ACSM1: variants seen among roughly 807,000 people sequenced by gnomAD.
The protein encoded by ACSM1 is acyl-coenzyme A synthetase ACSM1, mitochondrial.
Under a neutral mutation model 75.8 loss-of-function variants are expected in ACSM1, and 79 were observed. That is an observed-to-expected ratio of 1.04 (90% CI 0.87 to 1.26). The LOEUF (loss-of-function observed/expected upper bound fraction) is 1.26. Among genes scored for constraint, ACSM1 ranks in the 50% most tolerant of loss-of-function variants. ACSM1 has a pLI of 0.00. For synonymous variants in ACSM1, 279 were observed against 265.8 expected (o/e 1.05, Z -0.48); for missense variants, 676 against 720.1 (o/e 0.94, Z 0.70).
intron 13 of ACSM1, 137 bp downstream of exon 13, chr16:20,623,959 G>A: frequency 1.5e-6 from 2 of 1,306,494 alleles, no homozygotes; most frequent in South Asian, 1.3e-5. Flanking sequence ...GAGGACATGA[G>A]GCATGAGCAG....
At position 20,623,359 on chromosome 16, in the gene ACSM1, A is replaced by T. The variant is rs2016724092; in HGVS notation, c.*127T>A. The T allele has an allele frequency of 4.0e-6, 3 of 746,806 alleles. No individual in the cohort carries two copies. Among genetic ancestry groups the T allele is most frequent in the Non-Finnish European group, 6.8e-6 (3 of 443,970 alleles). 46.3% of individuals were successfully genotyped at this position (746,806 alleles called of 1,614,324 possible). ...TTAAAAGAAGGAAAACATTGGAATC[A>T]TGGCACTCCTGATACTTTCCCAAAT... is the stretch of plus-strand genomic sequence containing the variant. On this transcript the variant is annotated 3_prime_UTR_variant, in exon 14 of 14. Transcript: ENST00000520010.
chr16:20,632,227 A>T (rs1455946408), intron 10 of ACSM1, among the ~76,000 whole-genome samples: 1 of 152,238 alleles, frequency 6.6e-6, no homozygotes, highest in East Asian at 1.9e-4. Context: ...AGCAGGAAAT[A>T]AAGATTAGAG....
At chr16:20,672,262 G>C (rs553823) in intron 4 of ACSM1, among the ~76,000 whole-genome samples, 1 of 150,764 alleles carries the variant, frequency 6.6e-6, no homozygotes, top group Non-Finnish European at 1.5e-5. Context: ...GGGTGGGGAA[G>C]AGAAAGAGAG....
intron 4 of ACSM1, 107 bp from the exon 5 acceptor site, chr16:20,671,778 A>G: frequency 1.6e-6 from 2 of 1,286,104 alleles, no homozygotes; most frequent in East Asian, 2.6e-5. Flanking sequence ...GGGAGTTTGC[A>G]ACACTAGAGG....
intron 7 of ACSM1, among the ~76,000 whole-genome samples, chr16:20,654,033 C>G (rs1042708566): frequency 6.6e-6 from 1 of 152,190 alleles, no homozygotes. Context: ...ACCAAAACAG[C>G]ATGGTACTGT....
chr16:20,624,104 G>C lies in ACSM1; in HGVS notation c.1639C>G (p.Pro547Ala), dbSNP rs562392296. ...VKSVTAPYKY[P>A]RKVEFVSELP... ...CATCTGCCCTCACTCACCTTCCTTG[G>C]GTACTTGTATGGGGCTGTCACTGAC... Residue 547 changes from proline to alanine, a missense_variant, in exon 13 of 14, where the codon CCA becomes GCA. Physicochemically the swap from Pro to Ala is conservative, Grantham distance 27. Transcript: ENST00000520010. 2 of 1,612,298 alleles carry C rather than the reference G, an allele frequency of 1.2e-6. No homozygotes were observed. Among genetic ancestry groups the C allele is most frequent in the South Asian group, 1.1e-5 (1 of 91,066 alleles).
intron 10 of ACSM1, among the ~76,000 whole-genome samples, chr16:20,629,542 G>C (rs1019351315): frequency 4.6e-5 from 7 of 152,210 alleles, no homozygotes; most frequent in Non-Finnish European, 1.5e-5. Context: ...AAGCCACACA[G>C]AAGACAAATA....
rs2079544768 is a variant in ACSM1, at chr16:20,685,848, A to AAAAAAAAAT, written c.193-446_193-445insATTTTTTTT. ...AAAAAAAAACAAACAAAAAAAAAAC[A>AAAAAAAAAT]AAAAACTTATAGCATCAGGAGAGGT... is the stretch of plus-strand genomic sequence containing the variant. On this transcript the variant is annotated intron_variant, in intron 2 of 13. Transcript: ENST00000520010. Among the ~76,000 whole-genome samples, 2 of 123,788 alleles carry AAAAAAAAAT rather than the reference A, an allele frequency of 1.6e-5. 1 individual carries two copies. The highest frequency in any genetic ancestry group is 3.7e-5 in the Non-Finnish European group (2 of 54,366). 81.2% of individuals were successfully genotyped at this position (123,788 alleles called of 152,430 possible).
intron 7 of ACSM1, among the ~76,000 whole-genome samples, chr16:20,658,414 A>G (rs1452354954): frequency 6.6e-6 from 1 of 151,816 alleles, no homozygotes; most frequent in Non-Finnish European, 1.5e-5. Flanking sequence ...TTCTCTTGAG[A>G]AGTGTCTGTT....
chr16:20,669,385 T>C (rs752808080), intron 6 of ACSM1, among the ~76,000 whole-genome samples: 11 of 151,502 alleles, frequency 7.3e-5, no homozygotes, highest in Admixed American at 2.0e-4. Flanking sequence ...GATAAGAAGC[T>C]AGATCTGTCA....
At chr16:20,660,413 G>A (rs970403511) in intron 7 of ACSM1, among the ~76,000 whole-genome samples, 2 of 152,110 alleles carry the variant, frequency 1.3e-5, no homozygotes, top group Non-Finnish European at 2.9e-5. Flanking sequence ...ATACAGACAG[G>A]GTCAAGAGTG....
intron 6 of ACSM1, among the ~76,000 whole-genome samples, chr16:20,669,104 G>C (rs1291266822): frequency 6.6e-6 from 1 of 151,908 alleles, no homozygotes; most frequent in Non-Finnish European, 1.5e-5. Flanking sequence ...AAAATGTTGG[G>C]GTGAAGGGAC....
At chr16:20,690,560 A>T (rs1273012008) in intron 2 of ACSM1, among the ~76,000 whole-genome samples, 1 of 152,214 alleles carries the variant, frequency 6.6e-6, no homozygotes, top group East Asian at 1.9e-4. Context: ...ACTCATGTGC[A>T]CATTCAGGTG....
At chr16:20,672,138 C>G (rs2019947760) in intron 4 of ACSM1, among the ~76,000 whole-genome samples, 1 of 151,738 alleles carries the variant, frequency 6.6e-6, no homozygotes. Flanking sequence ...TGGTAATATA[C>G]AGCTAGCAAA....
At chr16:20,682,801 G>T (rs2079474183) in intron 3 of ACSM1, among the ~76,000 whole-genome samples, 1 of 152,162 alleles carries the variant, frequency 6.6e-6, no homozygotes, top group African/African-American at 2.4e-5. Context: ...GATGTAAACA[G>T]AACAGTGTCT....
intron 6 of ACSM1, 114 bp downstream of exon 6, chr16:20,669,713 G>T: frequency 1.9e-6 from 2 of 1,057,306 alleles, no homozygotes; most frequent in Admixed American, 2.3e-5. Flanking sequence ...CCAGGCTCAG[G>T]ATCATCTTAG....
intron 7 of ACSM1, among the ~76,000 whole-genome samples, chr16:20,643,586 AG>A (rs2018193931): frequency 6.6e-6 from 1 of 152,210 alleles, no homozygotes; most frequent in Non-Finnish European, 1.5e-5. Flanking sequence ...GCAGACCCAA[AG>A]AGTGAGCAGC....
At chr16:20,655,089 T>C (rs1285296716) in intron 7 of ACSM1, among the ~76,000 whole-genome samples, 1 of 151,652 alleles carries the variant, frequency 6.6e-6, no homozygotes, top group Admixed American at 6.6e-5. Flanking sequence ...TGAGTTCATG[T>C]CCTTTCTAGG....
chr16:20,635,580 TTTTCTTTCTTTCTTTCTTTCTTTCTTTC>T (rs56177992), intron 10 of ACSM1, among the ~76,000 whole-genome samples: 1,537 of 124,588 alleles, frequency 0.012, 28 homozygotes, highest in Middle Eastern at 0.02. Context: ...TAATTTTTCT[TTTTCTTTCTTTCTTTCTTTCTTTCTTTC>T]TTTCTTTCTT....
Sources: gnomAD v4.1 joint callset for allele counts (sites outside exome capture counted in the v4.1 genomes callset) on GRCh38, gnomAD v4.1.1 for gene constraint, MANE v1.5 for transcripts, NCBI Gene and HGNC (gene_info 2026-07-23, HGNC 2026-07-21) for gene names.